PLAC1: variants seen among roughly 807,000 people sequenced by gnomAD.
The protein encoded by PLAC1 is placenta associated 1.
For missense variants in PLAC1, 136 were observed against 163.2 expected (o/e 0.83, Z 0.91); for synonymous variants, 68 against 62.1 (o/e 1.09, Z -0.44).
At chrX:134,611,584 T>A (rs1045811462) in intron 1 of PLAC1, among the ~76,000 whole-genome samples, 1 of 108,087 alleles carries the variant, frequency 9.3e-6, no homozygotes, top group Non-Finnish European at 1.9e-5. Flanking sequence ...CATATGTATA[T>A]ATATATGCAT....
intron 2 of PLAC1, among the ~76,000 whole-genome samples, chrX:134,694,637 A>AAGGAAATT (rs1284496893): frequency 8.9e-6 from 1 of 112,168 alleles, no homozygotes; most frequent in Non-Finnish European, 1.9e-5. Context: ...TAATGTTCTG[A>AAGGAAATT]GTACGAAGGA....
At chrX:134,660,334 G>C (rs2078412035), upstream of PLAC1, among the ~76,000 whole-genome samples, 5 of 111,584 alleles carry the variant, frequency 4.5e-5, no homozygotes, top group South Asian at 1.9e-3. Context: ...TTGAACTCCT[G>C]ACCTCGGGTG....
At chrX:134,705,547 A>G (rs1282067639) in intron 2 of PLAC1, among the ~76,000 whole-genome samples, 2 of 111,682 alleles carry the variant, frequency 1.8e-5, no homozygotes, top group Non-Finnish European at 3.8e-5. Flanking sequence ...ACAATAAATT[A>G]GAATATGTAA....
chrX:134,569,739 A>AGTGTGTGTGTGTGTGTGTGTGTGTGT (rs749953575), intron 2 of PLAC1, among the ~76,000 whole-genome samples: 15 of 72,162 alleles, frequency 2.1e-4, no homozygotes, highest in Non-Finnish European at 2.7e-4. Flanking sequence ...AGGGTAGAGT[A>AGTGTGTGTGTGTGTGTGTGTGTGTGT]GTGTGTGTGT....
chrX:134,691,729 G>T (rs1296816107), intron 2 of PLAC1, among the ~76,000 whole-genome samples: 1 of 111,576 alleles, frequency 9.0e-6, no homozygotes, highest in Non-Finnish European at 1.9e-5. Context: ...AAATAAGAAT[G>T]CGTTCTCTCT....
At chrX:134,729,771 TTTTC>T (rs1259618268) in intron 2 of PLAC1, among the ~76,000 whole-genome samples, 1 of 111,713 alleles carries the variant, frequency 9.0e-6, no homozygotes, top group Non-Finnish European at 1.9e-5. Context: ...TTCTGTTTCT[TTTTC>T]TTTCTTTCTA....
intron 1 of PLAC1, among the ~76,000 whole-genome samples, chrX:134,647,845 C>A (rs1261049873): frequency 9.0e-6 from 1 of 111,341 alleles, no homozygotes; most frequent in Admixed American, 9.6e-5. Flanking sequence ...GAAGACGAAC[C>A]AAACATCTGC....
At chrX:134,729,180 T>C (rs865888082) in intron 2 of PLAC1, among the ~76,000 whole-genome samples, 7 of 111,924 alleles carry the variant, frequency 6.3e-5, no homozygotes, top group Middle Eastern at 4.6e-3. Context: ...ATAATTCCAG[T>C]TGAATTGAGT....
intron 2 of PLAC1, among the ~76,000 whole-genome samples, chrX:134,692,293 AG>A (rs774305492): frequency 8.9e-6 from 1 of 111,947 alleles, no homozygotes; most frequent in East Asian, 2.8e-4. Context: ...TGCTCTCAGC[AG>A]AGCCTGTTTC....
At chrX:134,705,514 A>G (rs1201216381) in intron 2 of PLAC1, among the ~76,000 whole-genome samples, 1 of 111,060 alleles carries the variant, frequency 9.0e-6, no homozygotes, top group Non-Finnish European at 1.9e-5. Context: ...GAAAAAAATC[A>G]GTATCATTTA....
At chrX:134,601,641 G>T in intron 2 of PLAC1, 1 of 112,308 alleles carries the variant, frequency 8.9e-6, no homozygotes, top group Middle Eastern at 4.6e-3. Context: ...AGTGCTAGAG[G>T]CATAACACAT....
intron 1 of PLAC1, among the ~76,000 whole-genome samples, chrX:134,614,891 T>C (rs1341296809): frequency 9.0e-6 from 1 of 111,376 alleles, no homozygotes; most frequent in African/African-American, 3.3e-5. Flanking sequence ...CTTCAAACTA[T>C]CCTCCTGCCT....
chrX:134,656,118 T>C (rs1429019804), intron 1 of PLAC1, among the ~76,000 whole-genome samples: 1 of 112,207 alleles, frequency 8.9e-6, no homozygotes, highest in Admixed American at 9.4e-5. Flanking sequence ...GCACTGTGAA[T>C]ATAGAAAACA....
intron 2 of PLAC1, among the ~76,000 whole-genome samples, chrX:134,572,552 T>C (rs766252235): frequency 1.5e-3 from 171 of 111,798 alleles, no homozygotes; most frequent in African/African-American, 5.2e-3. Context: ...CTTAACAATG[T>C]CCATTTTCTC....
At chrX:134,700,713 C>G (rs1190357198) in intron 2 of PLAC1, among the ~76,000 whole-genome samples, 1 of 111,487 alleles carries the variant, frequency 9.0e-6, no homozygotes, top group Non-Finnish European at 1.9e-5. Context: ...AATAAAATAC[C>G]TAGGAATACA....
chrX:134,631,784 G>GT (rs2078263790), intron 1 of PLAC1, among the ~76,000 whole-genome samples: 1 of 112,017 alleles, frequency 8.9e-6, no homozygotes, highest in Admixed American at 9.4e-5. Flanking sequence ...TTACAGACAG[G>GT]TTTTTTCATG....
rs770588882 is a variant in PLAC1, at chrX:134,684,761, G to C, written n.174+48674C>G. ...GGTAGTCTCCATGATTGACATGACT[G>C]GTCTAGGATTTCTGCCAGCATAATG... On this transcript the variant is annotated intron_variant and non_coding_transcript_variant, in intron 2 of 2. Transcript: ENST00000466797. Among the ~76,000 whole-genome samples the C allele has an allele frequency of 7.1e-5, 8 of 112,120 alleles. No homozygotes were observed. In the East Asian group the frequency reaches 2.2e-3, roughly 32 times the overall value.
intron 2 of PLAC1, among the ~76,000 whole-genome samples, chrX:134,725,393 T>A (rs1298249797): frequency 9.0e-6 from 1 of 111,273 alleles, no homozygotes; most frequent in African/African-American, 3.3e-5. Context: ...GTGGTCTGTG[T>A]AGGGAAGTAG....
chrX:134,569,320 T>A (rs775253888), intron 2 of PLAC1, among the ~76,000 whole-genome samples: 6 of 112,070 alleles, frequency 5.4e-5, no homozygotes, highest in Non-Finnish European at 7.5e-5. Context: ...TGTATTATGT[T>A]GCACTGAGTC....
Sources: gnomAD v4.1 joint callset for allele counts (sites outside exome capture counted in the v4.1 genomes callset) on GRCh38, gnomAD v4.1.1 for gene constraint, MANE v1.5 for transcripts, NCBI Gene and HGNC (gene_info 2026-07-23, HGNC 2026-07-21) for gene names.